PIK3C2G: variants seen among roughly 807,000 people sequenced by gnomAD.
PIK3C2G encodes the protein phosphatidylinositol 3-kinase C2 domain-containing subunit gamma.
In PIK3C2G, 168 loss-of-function variants were observed where a neutral mutation model predicts 181.1. The ratio of observed to expected loss-of-function variants is 0.93; its 90% CI spans 0.82 to 1.05. The LOEUF is 1.05. Ranked by LOEUF, PIK3C2G falls within the 50% of genes least tolerant of loss-of-function variation. PIK3C2G has a pLI of 0.00. For missense variants in PIK3C2G, 1,869 were observed against 1,732.8 expected (o/e 1.08, Z -1.40); for synonymous variants, 573 against 592.2 (o/e 0.97, Z 0.47).
intron 16 of PIK3C2G, among the ~76,000 whole-genome samples, chr12:18,415,809 A>G (rs1326804628): frequency 6.6e-6 from 1 of 152,204 alleles, no homozygotes; most frequent in Non-Finnish European, 1.5e-5. Flanking sequence ...TGATTTGGAT[A>G]TAAGATCAAA....
intron 30 of PIK3C2G, among the ~76,000 whole-genome samples, chr12:18,596,763 C>A (rs1947386292): frequency 6.6e-6 from 1 of 152,072 alleles, no homozygotes; most frequent in African/African-American, 2.4e-5. Context: ...ATGCCATCTA[C>A]ATGCCAGGGT....
chr12:18,281,018 C>T (rs1056427884), intron 1 of PIK3C2G, among the ~76,000 whole-genome samples: 2 of 151,660 alleles, frequency 1.3e-5, no homozygotes, highest in African/African-American at 4.8e-5. Context: ...TTTTTTGCCC[C>T]ATAGAACACT....
chr12:18,658,173 TC>T, the PIK3C2G span, among the ~76,000 whole-genome samples: 1 of 151,954 alleles, frequency 6.6e-6, no homozygotes, highest in African/African-American at 2.4e-5. Context: ...TAAAGAAAAA[TC>T]AACAGATCCT....
At chr12:18,697,553 CAT>C in the PIK3C2G span, among the ~76,000 whole-genome samples, 3 of 152,022 alleles carry the variant, frequency 2.0e-5, no homozygotes, top group Non-Finnish European at 4.4e-5. Flanking sequence ...AGAAAATAAA[CAT>C]GTTTGTTATT....
chr12:18,708,410 G>A, the PIK3C2G span, among the ~76,000 whole-genome samples: 4 of 152,088 alleles, frequency 2.6e-5, no homozygotes, highest in Non-Finnish European at 5.9e-5. Context: ...TCATTTGTCT[G>A]TCAATGAACA....
At chr12:18,608,603 T>A (rs1240857813) in intron 30 of PIK3C2G, among the ~76,000 whole-genome samples, 1 of 151,666 alleles carries the variant, frequency 6.6e-6, no homozygotes, top group Non-Finnish European at 1.5e-5. Context: ...ATATACCTAA[T>A]GTTAAATGAC....
intron 9 of PIK3C2G, 113 bp downstream of exon 9, chr12:18,338,661 A>ATG: frequency 1.1e-5 from 6 of 544,912 alleles, no homozygotes; most frequent in South Asian, 6.1e-5. Context: ...GTTTGTGTGT[A>ATG]TCTGTGTGTG....
the PIK3C2G span, chr12:18,700,094 A>G: frequency 1.2e-4 from 83 of 701,660 alleles, no homozygotes; most frequent in South Asian, 4.9e-4. Flanking sequence ...GATTAACTCA[A>G]TATGATTATT....
At chr12:18,577,434 CTCTTT>C (rs1946289984) in intron 29 of PIK3C2G, among the ~76,000 whole-genome samples, 1 of 152,144 alleles carries the variant, frequency 6.6e-6, no homozygotes, top group African/African-American at 2.4e-5. Context: ...TGTTTTGTGT[CTCTTT>C]TAATCTCCAT....
chr12:18,643,430 AT>A (rs1469829599), intron 32 of PIK3C2G, among the ~76,000 whole-genome samples: 1 of 152,022 alleles, frequency 6.6e-6, no homozygotes, highest in East Asian at 1.9e-4. Flanking sequence ...ATAAGTGATG[AT>A]TTTAGTAGTA....
chr12:18,581,028 C>G (rs996118388), intron 29 of PIK3C2G, among the ~76,000 whole-genome samples: 1 of 152,286 alleles, frequency 6.6e-6, no homozygotes, highest in Middle Eastern at 3.4e-3. Context: ...AGTACTTTAA[C>G]TCTGTAGTCT....
intron 1 of PIK3C2G, among the ~76,000 whole-genome samples, chr12:18,266,013 TAAA>T (rs61315448): frequency 0.018 from 1,113 of 61,674 alleles, 14 homozygotes; most frequent in African/African-American, 0.068. Context: ...AGACTTCATC[TAAA>T]AAAAAAAAAA....
rs150883290 is a variant in PIK3C2G at position 18,565,408 on chromosome 12, CT to C, written c.3903-1538del. Among the ~76,000 whole-genome samples, 1,339 of 152,250 alleles carry C rather than the reference CT, an allele frequency of 8.8e-3. 17 individuals are homozygous for C. The highest frequency in any genetic ancestry group is 0.031 in the African/African-American group (1,279 of 41,560). On this transcript the variant is annotated intron_variant, in intron 28 of 32. Transcript: ENST00000538779. ...AAGTAATATGCTTGGCGAGAGTTGA[CT>C]TTCTTCTCCCAACCATCCAAAATTT...
intron 31 of PIK3C2G, among the ~76,000 whole-genome samples, chr12:18,616,441 C>T (rs1169014370): frequency 6.6e-6 from 1 of 152,076 alleles, no homozygotes; most frequent in Non-Finnish European, 1.5e-5. Context: ...GTGAATTCAG[C>T]TACCTTTAAT....
chr12:18,325,479 T>C (rs547180764), intron 8 of PIK3C2G, among the ~76,000 whole-genome samples: 1 of 152,006 alleles, frequency 6.6e-6, no homozygotes, highest in African/African-American at 2.4e-5. Flanking sequence ...GAGTCCGAGG[T>C]GTGCAGATCA....
chr12:18,549,773 C>G (rs1565497724), intron 26 of PIK3C2G, among the ~76,000 whole-genome samples: 1 of 152,142 alleles, frequency 6.6e-6, no homozygotes, highest in Middle Eastern at 3.4e-3. Context: ...ACTGCTATCT[C>G]TATGCTACCA....
At chr12:18,606,049 T>G (rs563126295) in intron 30 of PIK3C2G, among the ~76,000 whole-genome samples, 29 of 152,256 alleles carry the variant, frequency 1.9e-4, no homozygotes, top group African/African-American at 6.7e-4. Flanking sequence ...ATAATAAGCC[T>G]CTCTACTCCT....
intron 32 of PIK3C2G, among the ~76,000 whole-genome samples, chr12:18,646,882 A>G (rs1950166506): frequency 6.6e-6 from 1 of 152,096 alleles, no homozygotes; most frequent in African/African-American, 2.4e-5. Context: ...CCTGAACATT[A>G]TAAAAGGACA....
At chr12:18,711,158 G>A in the PIK3C2G span, among the ~76,000 whole-genome samples, 1 of 151,820 alleles carries the variant, frequency 6.6e-6, no homozygotes, top group Non-Finnish European at 1.5e-5. Context: ...CGATAGACTG[G>A]ATTAAGAAAA....
Sources: gnomAD v4.1 joint callset for allele counts (sites outside exome capture counted in the v4.1 genomes callset) on GRCh38, gnomAD v4.1.1 for gene constraint, MANE v1.5 for transcripts, NCBI Gene and HGNC (gene_info 2026-07-23, HGNC 2026-07-21) for gene names.